Variants in CLVS2 observed in about 807,000 individuals in gnomAD.
CLVS2 encodes the protein clavesin-2.
CLVS2 carries 19 observed loss-of-function variants against 29.0 expected under a neutral mutation model. The ratio of observed to expected loss-of-function variants is 0.66; its 90% confidence interval spans 0.46 to 0.96. The LOEUF is 0.96. CLVS2 is among the 40% of genes least tolerant of loss of function. CLVS2 has a pLI of 0.00. For synonymous variants in CLVS2, 161 were observed against 151.3 expected (o/e 1.06, Z -0.47); for missense variants, 294 against 404.1 (o/e 0.73, Z 2.34).
At chr6:123,060,396 C>T (rs1772758135) in intron 5 of CLVS2, among the ~76,000 whole-genome samples, 1 of 152,144 alleles carries the variant, frequency 6.6e-6, no homozygotes, top group South Asian at 2.1e-4. Context: ...AGTAACCATA[C>T]CTATTTCATG....
intron 4 of CLVS2, among the ~76,000 whole-genome samples, chr6:123,054,501 A>G (rs1234162316): frequency 6.6e-6 from 1 of 152,210 alleles, no homozygotes; most frequent in Non-Finnish European, 1.5e-5. Context: ...GAAAATGCTT[A>G]TTAAGTGGCA....
At chr6:123,014,352 A>C (rs909519819) in intron 3 of CLVS2, among the ~76,000 whole-genome samples, 1 of 151,956 alleles carries the variant, frequency 6.6e-6, no homozygotes, top group Non-Finnish European at 1.5e-5. Flanking sequence ...TTTCTTAAGC[A>C]AGAGTATTTA....
chr6:123,027,340 A>G (rs765905108), intron 3 of CLVS2, among the ~76,000 whole-genome samples: 4 of 152,228 alleles, frequency 2.6e-5, no homozygotes, highest in African/African-American at 4.8e-5. Context: ...AGAAAAGTTC[A>G]AGGAGTAAGA....
chr6:122,997,871 C>T lies in CLVS2; in HGVS notation c.94C>T (p.Gln32Ter). The T allele has an allele frequency of 6.2e-7, 1 of 1,614,192 alleles. No individual in the cohort carries two copies. The highest frequency in any genetic ancestry group is 8.5e-7 in the Non-Finnish European group (1 of 1,180,026). ...ENPDTLHQDI[Q>*]EVRDMVITRP... ...CCCAGACACGCTGCACCAGGACATC[C>T]AGGAGGTGAGGGATATGGTCATCAC... The change falls in exon 2 of 6, where the codon CAG (glutamine) becomes TAG (stop). Residue 32 changes from glutamine (Q) to a stop codon, truncating the protein, a stop_gained. Coordinates refer to ENST00000275162, the MANE Select transcript of CLVS2 (RefSeq NM_001010852.4). LOFTEE classifies it high-confidence loss of function.
intron 2 of CLVS2, among the ~76,000 whole-genome samples, chr6:123,008,942 G>C (rs939650941): frequency 2.6e-5 from 4 of 152,002 alleles, no homozygotes; most frequent in African/African-American, 9.7e-5. Context: ...TTTGGATGCT[G>C]TATCCCTAGG....
intron 3 of CLVS2, among the ~76,000 whole-genome samples, chr6:123,040,518 G>A (rs975084727): frequency 3.3e-5 from 5 of 152,222 alleles, no homozygotes; most frequent in Non-Finnish European, 7.3e-5. Context: ...TTACGCGCCA[G>A]GCGCAGTGGC....
intron 3 of CLVS2, among the ~76,000 whole-genome samples, chr6:123,036,867 T>G (rs1205803918): frequency 6.6e-6 from 1 of 152,162 alleles, no homozygotes; most frequent in Non-Finnish European, 1.5e-5. Flanking sequence ...GCTAAAAGCG[T>G]TCTGGCAAGT....
In CLVS2 at chr6:123,069,154, G is replaced by A. The variant is rs1209477687; in HGVS notation, c.*5393G>A. 6.6e-6 allele frequency: 1 copy of A among 151,640 alleles called. No homozygotes were observed. Among genetic ancestry groups the A allele is most frequent in the African/African-American group, 2.4e-5 (1 of 41,370 alleles). 9.4% of individuals were successfully genotyped at this position (151,640 alleles called of 1,614,324 possible). A position where few individuals can be genotyped will look rare whatever the true frequency, so the allele number is the denominator to read the frequency against. ...ATAACTTCTAGTCAAACTTTCAAAT[G>A]AAAGTTTGAAAGAAGTAAACTAATG... is the stretch of plus-strand genomic sequence containing the variant. On this transcript the variant is annotated 3_prime_UTR_variant, in exon 6 of 6. Coordinates refer to ENST00000275162, the MANE Select transcript of CLVS2 (RefSeq NM_001010852.4).
intron 3 of CLVS2, among the ~76,000 whole-genome samples, chr6:123,041,429 G>A (rs930670328): frequency 2.0e-5 from 3 of 152,048 alleles, no homozygotes; most frequent in African/African-American, 7.2e-5. Context: ...TGTGCACCGA[G>A]AAGATATGTC....
chr6:122,998,025 T>C lies in CLVS2; in HGVS notation c.248T>C (p.Leu83Pro). The change falls in exon 2 of 6, where the codon CTG becomes CCG. Residue 83 changes from leucine (L) to proline (P), a missense_variant. Around this residue, in one of 2 missense-constraint regions of CLVS2, gnomAD observed 212 missense variants for 336.4 expected, o/e 0.63. Transcript: ENST00000275162. ...TACTTTGAGTACCGGCAGCAGAACCTGGACATGTTCAAAAGCTTTAAGGCC... is the reference window on the plus strand; with the variant it reads ...TACTTTGAGTACCGGCAGCAGAACCCGGACATGTTCAAAAGCTTTAAGGCC... Reference protein sequence around the residue: ...AQYFEYRQQNLDMFKSFKATD... With the variant: ...AQYFEYRQQNPDMFKSFKATD... 3 of 1,614,186 alleles carry C rather than the reference T, an allele frequency of 1.9e-6. No homozygotes were observed. The highest frequency in any genetic ancestry group is 2.5e-6 in the Non-Finnish European group (3 of 1,180,028).
At chr6:123,046,658 C>CAA (rs34421196) in intron 3 of CLVS2, among the ~76,000 whole-genome samples, 3 of 144,172 alleles carry the variant, frequency 2.1e-5, no homozygotes, top group Non-Finnish European at 3.0e-5. Flanking sequence ...AACTCAGTCT[C>CAA]AAAAAAAAAA....
At chr6:123,058,041 T>A (rs1772720784) in intron 5 of CLVS2, among the ~76,000 whole-genome samples, 2 of 152,194 alleles carry the variant, frequency 1.3e-5, no homozygotes, top group Non-Finnish European at 2.9e-5. Context: ...CAAAAGTGGT[T>A]AAAAGCAACT....
chr6:122,996,995 A>G (rs1162403654), intron 1 of CLVS2, among the ~76,000 whole-genome samples: 1 of 151,994 alleles, frequency 6.6e-6, no homozygotes, highest in African/African-American at 2.4e-5. Flanking sequence ...GCTGGTACCA[A>G]CGCCACCAGA....
chr6:123,056,046 G>T lies in CLVS2; in HGVS notation c.896+20G>T. 6.4e-7 allele frequency: 1 copy of T among 1,570,926 alleles called. No homozygotes were observed. The highest frequency in any genetic ancestry group is 8.7e-7 in the Non-Finnish European group (1 of 1,144,146). On this transcript the variant is annotated intron_variant, in intron 5 of 5. Coordinates refer to ENST00000275162, the MANE Select transcript of CLVS2 (RefSeq NM_001010852.4). Reference sequence around the variant, plus strand: ...GAAGAGGTATGCTGGAGGTAGACTGGGGAGTGGGCTGGGCCAGGGCAGGGA... The same window carrying T: ...GAAGAGGTATGCTGGAGGTAGACTGTGGAGTGGGCTGGGCCAGGGCAGGGA...
intron 4 of CLVS2, among the ~76,000 whole-genome samples, chr6:123,050,770 G>A (rs1772599099): frequency 6.6e-6 from 1 of 152,136 alleles, no homozygotes; most frequent in African/African-American, 2.4e-5. Context: ...AGCCCTTGAA[G>A]GTCATTGAAT....
At chr6:123,005,490 G>A (rs1774654246) in intron 2 of CLVS2, among the ~76,000 whole-genome samples, 1 of 152,134 alleles carries the variant, frequency 6.6e-6, no homozygotes, top group Admixed American at 6.5e-5. Flanking sequence ...GAAATTGCTG[G>A]TGTTATGCTG....
chr6:123,030,147 T>C (rs1336773146), intron 3 of CLVS2, among the ~76,000 whole-genome samples: 2 of 152,220 alleles, frequency 1.3e-5, no homozygotes, highest in Non-Finnish European at 2.9e-5. Flanking sequence ...TCCTTTCATA[T>C]CATATTTTCT....
At position 122,997,841 on chromosome 6, in the gene CLVS2, G is replaced by A; in HGVS notation, c.64G>A (p.Glu22Lys). The A allele has an allele frequency of 6.2e-7, 1 of 1,614,158 alleles. No homozygotes were observed. The highest frequency in any genetic ancestry group is 8.5e-7 in the Non-Finnish European group (1 of 1,180,008). Residue 22 changes from glutamate (E) to lysine (K), a missense_variant, in exon 2 of 6, where the codon GAA becomes AAA. Glu to Lys is a moderately conservative substitution (Grantham distance 56, BLOSUM62 1). Coordinates refer to ENST00000275162, the MANE Select transcript of CLVS2 (RefSeq NM_001010852.4). ...TLEKARLELN[E>K]NPDTLHQDIQ... ...GGAGAAAGCTCGCCTGGAGCTCAAT[G>A]AAAACCCAGACACGCTGCACCAGGA...
At chr6:123,018,685 T>TAAAA (rs386408487) in intron 3 of CLVS2, among the ~76,000 whole-genome samples, 1 of 143,228 alleles carries the variant, frequency 7.0e-6, no homozygotes, top group Non-Finnish European at 1.5e-5. Context: ...TTTTTTTTTT[T>TAAAA]AAAAAAAAGT....
Sources: allele counts gnomAD v4.1 joint callset (sites outside exome capture counted in the v4.1 genomes callset), GRCh38; gene constraint gnomAD v4.1.1; regional missense constraint gnomAD v4.1.1; transcripts MANE v1.5; gene names NCBI Gene and HGNC (gene_info 2026-07-23, HGNC 2026-07-21).